CHST15: variants seen among roughly 807,000 people sequenced by gnomAD.
CHST15 encodes carbohydrate sulfotransferase 15.
A neutral mutation model predicts 53.6 loss-of-function variants in CHST15; 30 were observed. The ratio of observed to expected loss-of-function variants is 0.56; its 90% confidence interval spans 0.42 to 0.76. The LOEUF is 0.76. CHST15 is among the 30% of genes least tolerant of loss of function. CHST15 has a pLI of 0.00. For synonymous variants in CHST15, 296 were observed against 289.8 expected, an observed-to-expected ratio of 1.02 and a Z score of -0.22; for missense variants, 627 against 740.5, an observed-to-expected ratio of 0.85 and a Z score of 1.78.
rs543197769 is a variant in CHST15 at position 124,011,739 on chromosome 10, G to A, written c.1495+594C>T. 27 of 985,424 alleles carry A rather than the reference G, an allele frequency of 2.7e-5. No individual in the cohort carries two copies. The Admixed American group carries it at 1.4e-3, about 52-fold the overall frequency. 61.0% of individuals were successfully genotyped at this position (985,424 alleles called of 1,614,324 possible). ...GGCTGGTATCCACAGGCTGAGGGCA[G>A]GCGCTCATGCCCCAGGGGCCCAGCA... On this transcript the variant is annotated intron_variant, in intron 7 of 7. Coordinates refer to ENST00000435907, the MANE Select transcript of CHST15 (RefSeq NM_001270764.2).
chr10:124,045,595 A>G, intron 2 of CHST15, 72 bp downstream of exon 2: 1 of 1,391,906 alleles, frequency 7.2e-7, no homozygotes, highest in South Asian at 1.4e-5. Context: ...GTTCCCAAAG[A>G]TGGTGATAGA....
intron 5 of CHST15, among the ~76,000 whole-genome samples, chr10:124,032,699 A>G (rs1947268729): frequency 6.6e-6 from 1 of 151,638 alleles, no homozygotes; most frequent in Non-Finnish European, 1.5e-5. Flanking sequence ...CTAGTTTTAA[A>G]TTGTCATGAT....
chr10:124,039,155 A>G (rs1947640230), intron 4 of CHST15, among the ~76,000 whole-genome samples: 1 of 152,202 alleles, frequency 6.6e-6, no homozygotes, highest in South Asian at 2.1e-4. Context: ...ATAGTATTCC[A>G]ATATATGTTC....
Position 124,021,246 on chromosome 10 carries a change from G to GGGGGGGC in CHST15, c.1347+9_1347+10insGCCCCCC. On this transcript the variant is annotated intron_variant, in intron 6 of 7. Coordinates refer to ENST00000435907, the MANE Select transcript of CHST15 (RefSeq NM_001270764.2). Reference sequence around the variant, plus strand: ...CCAGCTCGGGGGGTACGGGGGGGGGGGGTACACACAGGCATGGCGTTGTTG... The same window carrying GGGGGGGC: ...CCAGCTCGGGGGGTACGGGGGGGGGGGGGGGGCGGTACACACAGGCATGGCGTTGTTG... 1 of 1,562,664 alleles carries GGGGGGGC rather than the reference G, an allele frequency of 6.4e-7. No individual in the cohort carries two copies. The highest frequency in any genetic ancestry group is 8.7e-7 in the Non-Finnish European group (1 of 1,144,760).
chr10:124,052,216 C>G (rs778150359), intron 1 of CHST15, among the ~76,000 whole-genome samples: 8 of 152,156 alleles, frequency 5.3e-5, no homozygotes, highest in Non-Finnish European at 1.2e-4. Context: ...TATTCATCAA[C>G]AAGTAGGAGA....
intron 6 of CHST15, chr10:124,020,358 G>A (rs977731226): frequency 6.1e-6 from 6 of 985,482 alleles, no homozygotes; most frequent in Non-Finnish European, 7.2e-6. Flanking sequence ...CCTGGCACCA[G>A]AGCAGGCTCT....
At chr10:124,078,612 T>C (rs1173202050) in intron 1 of CHST15, among the ~76,000 whole-genome samples, 3 of 152,216 alleles carry the variant, frequency 2.0e-5, no homozygotes, top group African/African-American at 7.2e-5. Context: ...TGTGGACCCG[T>C]GGAACCTGTG....
At chr10:124,042,561 C>G (rs1947783536) in intron 3 of CHST15, 114 bp from the exon 4 acceptor site, 4 of 1,174,914 alleles carry the variant, frequency 3.4e-6, no homozygotes, top group Middle Eastern at 2.1e-4. Flanking sequence ...CTGGCGACAG[C>G]AGCAAGAGGC....
chr10:124,080,244 T>G (rs1215331209), intron 1 of CHST15, among the ~76,000 whole-genome samples: 5 of 152,098 alleles, frequency 3.3e-5, no homozygotes, highest in African/African-American at 9.7e-5. Flanking sequence ...ATAAACCAAG[T>G]CTCTTTCTCC....
Position 124,009,862 on chromosome 10 carries a change from C to A in CHST15, c.*287G>T. 1.6e-6 allele frequency: 2 copies of A among 1,231,436 alleles called. No individual in the cohort carries two copies. Among genetic ancestry groups the A allele is most frequent in the African/African-American group, 3.1e-5 (2 of 63,604 alleles). 76.3% of individuals were successfully genotyped at this position (1,231,436 alleles called of 1,614,324 possible). On this transcript the variant is annotated 3_prime_UTR_variant, in exon 8 of 8. Transcript: ENST00000435907. ...GTGTTCTCTCCACACCCAGTGCAGG[C>A]CAGCTGGCTGCATCCCCAAGCTCCA...
rs902074933 is a variant in CHST15 at position 124,070,512 on chromosome 10, G to A, written c.-513+22957C>T. ...TTCTGCCTCAGCCTCCTGAGTGGCT[G>A]GGACTAAAGGTGCACACCACCATGC... On this transcript the variant is annotated intron_variant, in intron 1 of 7. Coordinates refer to ENST00000435907, the MANE Select transcript of CHST15 (RefSeq NM_001270764.2). Among the ~76,000 whole-genome samples, 3 of 152,088 alleles carry A rather than the reference G, an allele frequency of 2.0e-5. No individual in the cohort carries two copies. The East Asian group carries it at 5.8e-4, about 29-fold the overall frequency.
At chr10:124,086,342 G>A (rs532123784) in intron 1 of CHST15, among the ~76,000 whole-genome samples, 45 of 152,310 alleles carry the variant, frequency 3.0e-4, no homozygotes, top group African/African-American at 1.0e-3. Context: ...ACTGTTCTCC[G>A]CCACCCCAGA....
At chr10:124,034,988 G>C (rs1313739217) in intron 5 of CHST15, among the ~76,000 whole-genome samples, 4 of 135,656 alleles carry the variant, frequency 2.9e-5, no homozygotes, top group African/African-American at 9.1e-5. Flanking sequence ...AGGGACCCTG[G>C]CTCTACCCCC....
intron 1 of CHST15, among the ~76,000 whole-genome samples, chr10:124,072,394 T>G (rs1948944650): frequency 6.6e-6 from 1 of 152,164 alleles, no homozygotes; most frequent in African/African-American, 2.4e-5. Context: ...AAATGTCAGC[T>G]GCCTCTTCCC....
intron 6 of CHST15, chr10:124,020,360 G>A (rs760176240): frequency 1.6e-5 from 16 of 985,358 alleles, no homozygotes; most frequent in Non-Finnish European, 1.8e-5. Context: ...TGGCACCAGA[G>A]CAGGCTCTGG....
intron 3 of CHST15, among the ~76,000 whole-genome samples, chr10:124,044,202 T>C (rs992628736): frequency 2.1e-5 from 3 of 140,972 alleles, no homozygotes; most frequent in Non-Finnish European, 3.0e-5. Context: ...GGCACAGAGC[T>C]GGGAGCGGCA....
At chr10:124,021,089 TC>T (rs1946761165) in intron 6 of CHST15, 166 bp downstream of exon 6, 1 of 1,476,448 alleles carries the variant, frequency 6.8e-7, no homozygotes. Context: ...CCATCAGTTT[TC>T]AGCTTTTACA....
intron 3 of CHST15, among the ~76,000 whole-genome samples, chr10:124,043,444 G>A (rs1327470763): frequency 6.6e-6 from 1 of 152,236 alleles, no homozygotes; most frequent in Non-Finnish European, 1.5e-5. Context: ...AAGGATGAAA[G>A]CAAACGTTTG....
intron 4 of CHST15, 132 bp downstream of exon 4, chr10:124,042,169 T>A: frequency 1.3e-6 from 1 of 787,994 alleles, no homozygotes; most frequent in Non-Finnish European, 2.0e-6. Flanking sequence ...GGTGGAGAAG[T>A]GGAGGCTCAA....
Sources: allele counts gnomAD v4.1 joint callset (sites outside exome capture counted in the v4.1 genomes callset), GRCh38; gene constraint gnomAD v4.1.1; transcripts MANE v1.5; gene names NCBI Gene and HGNC (gene_info 2026-07-23, HGNC 2026-07-21).